STIM1: variants seen among roughly 807,000 people sequenced by gnomAD.
STIM1 encodes the protein stromal interaction molecule 1.
In STIM1, 25 loss-of-function variants were observed where a neutral mutation model predicts 74.7. The ratio of observed to expected loss-of-function variants is 0.33; its 90% CI spans 0.24 to 0.47. The LOEUF is 0.47. Ranked by LOEUF, STIM1 falls within the 20% of genes least tolerant of loss-of-function variation. The pLI, the probability that STIM1 is intolerant of heterozygous loss-of-function variation, is 1.00. For synonymous variants in STIM1, 328 were observed against 348.8 expected (o/e 0.94, Z 0.66); for missense variants, 728 against 920.8 (o/e 0.79, Z 2.71).
intron 3 of STIM1, among the ~76,000 whole-genome samples, chr11:4,049,276 A>G (rs1456996062): frequency 6.6e-6 from 1 of 151,804 alleles, no homozygotes; most frequent in Non-Finnish European, 1.5e-5. Context: ...TATGAATAGG[A>G]CTTTCTACAG....
At chr11:3,982,371 C>T (rs930017127) in intron 2 of STIM1, among the ~76,000 whole-genome samples, 9 of 152,238 alleles carry the variant, frequency 5.9e-5, no homozygotes, top group Non-Finnish European at 8.8e-5. Context: ...ATTTCCTTAC[C>T]GTCAAATTAG....
intron 9 of STIM1, 111 bp downstream of exon 9, chr11:4,083,093 C>CTGG: frequency 8.5e-7 from 1 of 1,175,114 alleles, no homozygotes; most frequent in Non-Finnish European, 1.3e-6. Context: ...AGGGACAGCT[C>CTGG]TGGTCTCCTG....
intron 5 of STIM1, among the ~76,000 whole-genome samples, chr11:4,064,492 C>T (rs1358858150): frequency 6.6e-6 from 1 of 152,202 alleles, no homozygotes; most frequent in Non-Finnish European, 1.5e-5. Flanking sequence ...TCATTTAGCA[C>T]ACAAACACCC....
At position 4,082,862 on chromosome 11, in the gene STIM1, T is replaced by C; in HGVS notation, c.1138-20T>C. On this transcript the variant is annotated intron_variant, in intron 8 of 12. Transcript: ENST00000526596. ...TCTCGAATCCCTGCTCTTTTTGAGC[T>C]GGGGGCCTCATCTTTGCAGGCTGAG... 6.2e-7 allele frequency: 1 copy of C among 1,606,038 alleles called. No individual in the cohort carries two copies. The highest frequency in any genetic ancestry group is 8.5e-7 in the Non-Finnish European group (1 of 1,172,676).
intron 1 of STIM1, among the ~76,000 whole-genome samples, chr11:3,917,664 G>T (rs904691357): frequency 1.3e-5 from 2 of 152,054 alleles, no homozygotes; most frequent in Non-Finnish European, 2.9e-5. Flanking sequence ...TGAACTCCTG[G>T]ACTCAAACGA....
chr11:3,866,612 A>G (rs10835217), intron 1 of STIM1, among the ~76,000 whole-genome samples: 39,906 of 151,728 alleles, frequency 0.26, 6,117 homozygotes, highest in South Asian at 0.41. Flanking sequence ...TATTTAGTAG[A>G]GACGGGGTTT....
At chr11:4,043,716 CATTAA>C (rs1333076463) in intron 3 of STIM1, among the ~76,000 whole-genome samples, 3 of 151,884 alleles carry the variant, frequency 2.0e-5, no homozygotes, top group African/African-American at 7.3e-5. Flanking sequence ...TAGATTATGT[CATTAA>C]AAAGATTGGA....
chr11:3,938,654 C>T (rs1438180225), intron 1 of STIM1, among the ~76,000 whole-genome samples: 1 of 152,132 alleles, frequency 6.6e-6, no homozygotes, highest in African/African-American at 2.4e-5. Flanking sequence ...TGAGACCAGC[C>T]TGGCCAACAT....
chr11:3,867,796 C>A (rs2090914707), intron 1 of STIM1, among the ~76,000 whole-genome samples: 1 of 152,184 alleles, frequency 6.6e-6, no homozygotes, highest in South Asian at 2.1e-4. Context: ...GAGCCCCTGG[C>A]TGCCTTGTGT....
At chr11:3,915,554 C>T (rs1051101605) in intron 1 of STIM1, among the ~76,000 whole-genome samples, 1 of 151,908 alleles carries the variant, frequency 6.6e-6, no homozygotes, top group African/African-American at 2.4e-5. Context: ...CCCACCAACA[C>T]GCCTGGCTAA....
chr11:3,873,546 TG>T (rs780178139), intron 1 of STIM1, among the ~76,000 whole-genome samples: 50 of 151,378 alleles, frequency 3.3e-4, no homozygotes, highest in Non-Finnish European at 6.0e-4. Context: ...GGATTACAGG[TG>T]TGAGCTACTG....
intron 5 of STIM1, among the ~76,000 whole-genome samples, chr11:4,062,044 T>C (rs2094334556): frequency 6.6e-6 from 1 of 152,104 alleles, no homozygotes; most frequent in South Asian, 2.1e-4. Flanking sequence ...GATGGAAATA[T>C]TTTGGAACTA....
In STIM1 at chr11:3,922,955, C is replaced by T. The variant is rs573978430; in HGVS notation, c.140-44597C>T. Among the ~76,000 whole-genome samples the T allele has an allele frequency of 2.4e-4, 37 of 152,024 alleles. 1 individual carries two copies. The highest frequency in any genetic ancestry group is 4.6e-4 in the Admixed American group (7 of 15,266). ...TCTACTAAAAATACAAAAAATTAGC[C>T]AGGCATGGTAGCGGGCGCCTGTGGT... On this transcript the variant is annotated intron_variant, in intron 1 of 12. Coordinates refer to ENST00000526596, the MANE Select transcript of STIM1 (RefSeq NM_001382567.1).
At chr11:4,054,862 ATCT>A (rs2094276148) in intron 3 of STIM1, among the ~76,000 whole-genome samples, 1 of 152,210 alleles carries the variant, frequency 6.6e-6, no homozygotes, top group Admixed American at 6.5e-5. Context: ...GCAATACATC[ATCT>A]TCTCTGAGGC....
At chr11:4,060,644 G>A (rs2094324381) in intron 5 of STIM1, among the ~76,000 whole-genome samples, 1 of 152,144 alleles carries the variant, frequency 6.6e-6, no homozygotes, top group Non-Finnish European at 1.5e-5. Flanking sequence ...CGTAGTCTCT[G>A]TATTGAGCAA....
chr11:3,988,193 G>A (rs2093575194), intron 2 of STIM1, among the ~76,000 whole-genome samples: 1 of 152,188 alleles, frequency 6.6e-6, no homozygotes, highest in Admixed American at 6.5e-5. Context: ...ACTGAGCAGT[G>A]AATCGAAGTT....
intron 1 of STIM1, among the ~76,000 whole-genome samples, chr11:3,939,165 C>T (rs923844493): frequency 6.6e-6 from 1 of 152,118 alleles, no homozygotes; most frequent in African/African-American, 2.4e-5. Context: ...TTATAAAATG[C>T]TGCTTGATCT....
At chr11:3,872,787 C>T (rs1360264683) in intron 1 of STIM1, among the ~76,000 whole-genome samples, 1 of 152,114 alleles carries the variant, frequency 6.6e-6, no homozygotes, top group Non-Finnish European at 1.5e-5. Flanking sequence ...TCTCAAAGTG[C>T]TAGGATTACA....
At chr11:3,871,368 G>A (rs1462761609) in intron 1 of STIM1, among the ~76,000 whole-genome samples, 1 of 152,112 alleles carries the variant, frequency 6.6e-6, no homozygotes, top group African/African-American at 2.4e-5. Context: ...CAGAGTGCTT[G>A]GAGTCCTTAT....
Sources: allele counts gnomAD v4.1 joint callset (sites outside exome capture counted in the v4.1 genomes callset), GRCh38; gene constraint gnomAD v4.1.1; transcripts MANE v1.5; gene names NCBI Gene and HGNC (gene_info 2026-07-23, HGNC 2026-07-21).